IMMP2L: variants seen among roughly 807,000 people sequenced by gnomAD.
IMMP2L encodes the protein mitochondrial inner membrane protease subunit 2.
A neutral mutation model predicts 19.3 loss-of-function variants in IMMP2L; 18 were observed. The observed-to-expected ratio is 0.93, with a 90% CI of 0.64 to 1.38. IMMP2L has a LOEUF of 1.38. Among genes scored for constraint, IMMP2L ranks in the 40% most tolerant of loss-of-function variants. The pLI is 0.00. For missense variants in IMMP2L, 233 were observed against 218.2 expected, an observed-to-expected ratio of 1.07 and a Z score of -0.43; for synonymous variants, 76 against 73.0, an observed-to-expected ratio of 1.04 and a Z score of -0.21.
At chr7:110,805,255 A>G (rs1328860617) in intron 5 of IMMP2L, among the ~76,000 whole-genome samples, 1 of 152,138 alleles carries the variant, frequency 6.6e-6, no homozygotes, top group Non-Finnish European at 1.5e-5. Context: ...AACAAACTTT[A>G]CCAGTCTGAA....
At chr7:110,909,650 T>C (rs2129548191) in intron 4 of IMMP2L, among the ~76,000 whole-genome samples, 1 of 152,260 alleles carries the variant, frequency 6.6e-6, no homozygotes, top group East Asian at 1.9e-4. Context: ...GGCTACTCTC[T>C]GGGGTTAACA....
chr7:111,009,841 A>C (rs879672072), intron 3 of IMMP2L, among the ~76,000 whole-genome samples: 1 of 152,156 alleles, frequency 6.6e-6, no homozygotes, highest in African/African-American at 2.4e-5. Context: ...TTTTGAGAAC[A>C]GAACAAAAGC....
At chr7:111,411,564 T>C in intron 3 of IMMP2L, 2 of 334,478 alleles carry the variant, frequency 6.0e-6, no homozygotes, top group South Asian at 5.7e-5. Flanking sequence ...GCAGGCACCA[T>C]CCTTCAACAG....
At chr7:110,672,799 G>A (rs1427150184) in intron 5 of IMMP2L, among the ~76,000 whole-genome samples, 2 of 152,180 alleles carry the variant, frequency 1.3e-5, no homozygotes, top group African/African-American at 4.8e-5. Context: ...GATGCAAGAG[G>A]TGAGCTCCAA....
At chr7:110,962,907 G>A in intron 4 of IMMP2L, 1 of 1,375,252 alleles carries the variant, frequency 7.3e-7, no homozygotes, top group East Asian at 2.7e-5. Flanking sequence ...GACACATCAT[G>A]CCACACAGTA....
intron 4 of IMMP2L, among the ~76,000 whole-genome samples, chr7:110,891,821 A>T (rs1810829096): frequency 6.6e-6 from 1 of 152,208 alleles, no homozygotes; most frequent in South Asian, 2.1e-4. Context: ...TTCAATACAG[A>T]GAGCTAAAGA....
chr7:110,901,090 C>T (rs1811816939), intron 4 of IMMP2L, among the ~76,000 whole-genome samples: 1 of 151,906 alleles, frequency 6.6e-6, no homozygotes, highest in Non-Finnish European at 1.5e-5. Context: ...AATATCTTCT[C>T]TCTATTTAAA....
intron 3 of IMMP2L, chr7:111,099,800 G>A (rs1245050303): frequency 6.6e-6 from 1 of 151,682 alleles, no homozygotes; most frequent in Non-Finnish European, 1.5e-5. Context: ...AACCTAACAT[G>A]TAAGAAATAA....
chr7:111,496,471 T>A (rs571056515), intron 2 of IMMP2L, among the ~76,000 whole-genome samples: 2 of 152,118 alleles, frequency 1.3e-5, no homozygotes, highest in Non-Finnish European at 2.9e-5. Context: ...CCAGGAGAGA[T>A]TGGCCTTTGA....
intron 3 of IMMP2L, among the ~76,000 whole-genome samples, chr7:111,058,908 C>T (rs553518793): frequency 6.6e-6 from 1 of 152,262 alleles, no homozygotes; most frequent in South Asian, 2.1e-4. Context: ...CATTATCTCA[C>T]TTTGAGACTT....
intron 5 of IMMP2L, among the ~76,000 whole-genome samples, chr7:110,692,099 G>T (rs1047532864): frequency 2.0e-5 from 3 of 152,020 alleles, no homozygotes; most frequent in African/African-American, 7.2e-5. Context: ...AATGCGGTGT[G>T]TGTAAACATA....
At chr7:110,917,330 G>C (rs747456609) in intron 4 of IMMP2L, among the ~76,000 whole-genome samples, 23 of 152,136 alleles carry the variant, frequency 1.5e-4, no homozygotes. Context: ...AATTTGTTAC[G>C]ACAGCCTCAG....
At chr7:111,288,007 A>T (rs1232305820) in intron 3 of IMMP2L, among the ~76,000 whole-genome samples, 1 of 152,230 alleles carries the variant, frequency 6.6e-6, no homozygotes, top group East Asian at 1.9e-4. Flanking sequence ...ATAGGTAAAC[A>T]TCAAAAATTA....
rs60697579 is a variant in IMMP2L at position 111,551,495 on chromosome 7, GGTGTGTGTGTGTGTGTGTGT to G, written c.-3+10336_-3+10355del. Among the ~76,000 whole-genome samples the G allele has an allele frequency of 9.6e-5, 14 of 145,354 alleles. No homozygotes were observed. In the East Asian group the frequency reaches 2.5e-3, roughly 25 times the overall value. Reference sequence around the variant, plus strand: ...AGGTATGTTAGGTATGACTGTTAGAGGTGTGTGTGTGTGTGTGTGTGTGTGTGTGTGTGTGTGGTCACTTG... The same window carrying G: ...AGGTATGTTAGGTATGACTGTTAGAGGTGTGTGTGTGTGTGTGGTCACTTG... On this transcript the variant is annotated intron_variant, in intron 1 of 5. Transcript: ENST00000405709.
At chr7:111,307,581 T>C (rs1055691065) in intron 3 of IMMP2L, among the ~76,000 whole-genome samples, 2 of 151,628 alleles carry the variant, frequency 1.3e-5, no homozygotes, top group African/African-American at 4.8e-5. Flanking sequence ...AAAAACAATA[T>C]ACCATTATAA....
chr7:111,249,148 G>C (rs1815740485), intron 3 of IMMP2L, among the ~76,000 whole-genome samples: 1 of 62,978 alleles, frequency 1.6e-5, no homozygotes, highest in Non-Finnish European at 2.9e-5. Context: ...TTTGATCTCA[G>C]ACTGCTGTGC....
At chr7:111,018,022 C>T (rs1461359334) in intron 3 of IMMP2L, among the ~76,000 whole-genome samples, 1 of 152,164 alleles carries the variant, frequency 6.6e-6, no homozygotes, top group African/African-American at 2.4e-5. Context: ...TGCATTTGGG[C>T]TCTAATATAC....
intron 3 of IMMP2L, among the ~76,000 whole-genome samples, chr7:111,339,882 A>C (rs536580014): frequency 3.9e-5 from 6 of 152,160 alleles, no homozygotes; most frequent in Non-Finnish European, 8.8e-5. Flanking sequence ...AGCCATATCA[A>C]ATAAGGATGC....
intron 3 of IMMP2L, among the ~76,000 whole-genome samples, chr7:111,160,103 C>T (rs558505718): frequency 2.0e-5 from 3 of 152,024 alleles, no homozygotes; most frequent in Non-Finnish European, 4.4e-5. Flanking sequence ...ATGAGAGATG[C>T]TAAATTCTTC....
Sources: gnomAD v4.1 joint callset for allele counts (sites outside exome capture counted in the v4.1 genomes callset) on GRCh38, gnomAD v4.1.1 for gene constraint, MANE v1.5 for transcripts, NCBI Gene and HGNC (gene_info 2026-07-23, HGNC 2026-07-21) for gene names.